DNAI2: variants seen among roughly 807,000 people sequenced by gnomAD.
DNAI2 encodes the protein dynein axonemal intermediate chain 2.
In DNAI2, 63 loss-of-function variants were observed where a neutral mutation model predicts 74.7. The observed-to-expected ratio is 0.84, with a 90% CI of 0.69 to 1.04. The LOEUF (loss-of-function observed/expected upper bound fraction) is 1.04. DNAI2 is among the 50% of genes least tolerant of loss of function. DNAI2 has a pLI of 0.00. For missense variants in DNAI2, 688 were observed against 803.2 expected, an observed-to-expected ratio of 0.86 and a Z score of 1.73; for synonymous variants, 289 against 314.9, an observed-to-expected ratio of 0.92 and a Z score of 0.87.
chr17:74,306,626 A>C (rs1225779214), intron 9 of DNAI2, among the ~76,000 whole-genome samples: 1 of 152,010 alleles, frequency 6.6e-6, no homozygotes, highest in East Asian at 1.9e-4. Flanking sequence ...TTGTTTGTTA[A>C]AATGCTTTTG....
At chr17:74,291,354 G>C (rs1049222272) in intron 6 of DNAI2, among the ~76,000 whole-genome samples, 11 of 152,008 alleles carry the variant, frequency 7.2e-5, no homozygotes, top group Admixed American at 3.9e-4. Flanking sequence ...AGTAGAGACA[G>C]GGTTTCACCA....
chr17:74,291,254 G>A, intron 6 of DNAI2, 121 bp downstream of exon 6: 1 of 731,676 alleles, frequency 1.4e-6, no homozygotes, highest in South Asian at 1.6e-5. Flanking sequence ...TCCGCCTCCT[G>A]GGTTCAAGTG....
intron 8 of DNAI2, among the ~76,000 whole-genome samples, chr17:74,302,223 C>G (rs1322226783): frequency 6.6e-6 from 1 of 151,196 alleles, no homozygotes; most frequent in Admixed American, 6.6e-5. Context: ...TTGAGCCCAG[C>G]AGTTCAAGAC....
intron 11 of DNAI2, among the ~76,000 whole-genome samples, chr17:74,310,702 C>T (rs2053475459): frequency 6.6e-6 from 1 of 151,862 alleles, no homozygotes; most frequent in South Asian, 2.1e-4. Context: ...CCACGCCCAG[C>T]TAATTTTTGT....
chr17:74,284,421 C>CT (rs573243102), intron 2 of DNAI2, among the ~76,000 whole-genome samples: 274 of 151,040 alleles, frequency 1.8e-3, no homozygotes, highest in African/African-American at 5.3e-3. Flanking sequence ...TTTTCTTTTT[C>CT]TTTTTTTTTG....
intron 8 of DNAI2, among the ~76,000 whole-genome samples, chr17:74,303,125 C>T (rs767770535): frequency 9.8e-5 from 15 of 152,312 alleles, no homozygotes; most frequent in Middle Eastern, 3.4e-3. Context: ...CAGTCGCCTA[C>T]AACCATCTCG....
intron 1 of DNAI2, among the ~76,000 whole-genome samples, chr17:74,278,242 C>A (rs1338340600): frequency 5.3e-5 from 8 of 149,558 alleles, no homozygotes; most frequent in African/African-American, 2.0e-4. Flanking sequence ...CAAGCCTGGG[C>A]AACATAGTGA....
intron 9 of DNAI2, among the ~76,000 whole-genome samples, chr17:74,306,134 G>A (rs921248514): frequency 6.6e-6 from 1 of 152,224 alleles, no homozygotes; most frequent in African/African-American, 2.4e-5. Context: ...AACCAAGGAA[G>A]CTTGGCTGGG....
intron 7 of DNAI2, 87 bp downstream of exon 7, chr17:74,299,944 T>C (rs2052665553): frequency 2.6e-6 from 4 of 1,567,114 alleles, no homozygotes; most frequent in Non-Finnish European, 3.5e-6. Context: ...CTGGGGACAT[T>C]TCCTTTAACA....
chr17:74,286,841 T>A, intron 3 of DNAI2, 136 bp from the exon 4 acceptor site: 1 of 1,128,124 alleles, frequency 8.9e-7, no homozygotes, highest in Admixed American at 1.8e-5. Flanking sequence ...TGAAAATTCC[T>A]CCATTGAAAG....
At chr17:74,281,659 C>T (rs2051392801) in intron 1 of DNAI2, 148 bp from the exon 2 acceptor site, 1 of 714,648 alleles carries the variant, frequency 1.4e-6, no homozygotes, top group Non-Finnish European at 2.4e-6. Flanking sequence ...GCGGATGCAG[C>T]TTCTGGACAA....
At chr17:74,294,316 C>CT (rs1252514006) in intron 6 of DNAI2, among the ~76,000 whole-genome samples, 64 of 104,922 alleles carry the variant, frequency 6.1e-4, no homozygotes, top group African/African-American at 8.7e-4. Flanking sequence ...TTTTTCTTTT[C>CT]TTTTTTTTTT....
intron 6 of DNAI2, among the ~76,000 whole-genome samples, chr17:74,296,359 A>AGAGAGAGAGAGAGAGGG (rs1416547933): frequency 5.5e-5 from 4 of 72,284 alleles, no homozygotes; most frequent in Non-Finnish European, 7.3e-5. Flanking sequence ...GAGAGAGAGG[A>AGAGAGAGAGAGAGAGGG]AGGGGGAAGG....
Position 74,305,524 on chromosome 17 carries a change from C to T in DNAI2, c.1211+82C>T, listed in dbSNP as rs540305543. On this transcript the variant is annotated intron_variant, in intron 9 of 13. Transcript: ENST00000311014. ...AGCCCAGCTGGGCCCCGGAGAGTCCCGAGCCTCCATATGTAAAATGGAGAA... is the reference window on the plus strand; with the variant it reads ...AGCCCAGCTGGGCCCCGGAGAGTCCTGAGCCTCCATATGTAAAATGGAGAA... 5.8e-4 allele frequency: 758 copies of T among 1,312,116 alleles called. 8 individuals are homozygous for T. In the South Asian group the frequency reaches 6.3e-3, roughly 11 times the overall value. The allele number at this position is 1,312,116 out of a possible 1,614,324, so 81.3% of individuals were successfully genotyped here.
Position 74,314,156 on chromosome 17 carries a change from G to A in DNAI2, c.1758G>A (p.Glu586=), listed in dbSNP as rs375973900. The change falls in exon 13 of 14, where the codon GAG becomes GAA. Residue 586 remains glutamate (E), a synonymous_variant. Coordinates refer to ENST00000311014, the MANE Select transcript of DNAI2 (RefSeq NM_023036.6). ...GTCCAGAAGAAGACCAGGTGGTGGA[G>A]GAGGGAGAGGAAGCAGCGGGGGAAG... ...QPSPEEDQVV[E]EGEEAAGEEG... is the part of the protein sequence containing the mutation. 2.5e-6 allele frequency: 4 copies of A among 1,614,110 alleles called. No individual in the cohort carries two copies. The highest frequency in any genetic ancestry group is 3.4e-6 in the Non-Finnish European group (4 of 1,180,036).
intron 6 of DNAI2, among the ~76,000 whole-genome samples, chr17:74,296,311 A>AAGAGAG (rs143184350): frequency 7.7e-4 from 79 of 102,154 alleles, no homozygotes; most frequent in Non-Finnish European, 1.4e-3. Flanking sequence ...CTTGCCTTTA[A>AAGAGAG]AGAGAGAGAG....
intron 4 of DNAI2, among the ~76,000 whole-genome samples, chr17:74,289,057 A>G (rs2051921187): frequency 1.3e-5 from 2 of 152,226 alleles, no homozygotes; most frequent in South Asian, 4.1e-4. Context: ...CACAGCAAGA[A>G]AGAACTCTTT....
At chr17:74,274,564 AC>A (rs746625773) in intron 1 of DNAI2, among the ~76,000 whole-genome samples, 3 of 151,894 alleles carry the variant, frequency 2.0e-5, no homozygotes, top group Non-Finnish European at 4.4e-5. Flanking sequence ...AAGTCGCAGG[AC>A]CCTGCAGCCT....
At chr17:74,292,882 T>G (rs1037394320) in intron 6 of DNAI2, among the ~76,000 whole-genome samples, 1 of 150,776 alleles carries the variant, frequency 6.6e-6, no homozygotes, top group Non-Finnish European at 1.5e-5. Flanking sequence ...CAGGCTGGAG[T>G]GCAGTGGCGC....
Sources: gnomAD v4.1 joint callset for allele counts (sites outside exome capture counted in the v4.1 genomes callset) on GRCh38, gnomAD v4.1.1 for gene constraint, MANE v1.5 for transcripts, NCBI Gene and HGNC (gene_info 2026-07-23, HGNC 2026-07-21) for gene names.